The following CCDC92 variants were observed in gnomAD, a reference collection of about 807,000 sequenced individuals.
CCDC92 encodes the protein coiled-coil domain-containing protein 92.
A neutral mutation model predicts 24.9 loss-of-function variants in CCDC92; 12 were observed. That is an observed-to-expected ratio of 0.48 (90% CI 0.31 to 0.78). CCDC92 has a LOEUF of 0.78. Among genes scored for constraint, CCDC92 ranks in the 30% least tolerant of loss-of-function variants. CCDC92 has a pLI of 0.05. For synonymous variants in CCDC92, 193 were observed against 196.3 expected (o/e 0.98, Z 0.14); for missense variants, 399 against 439.4 (o/e 0.91, Z 0.82).
intron 1 of CCDC92, among the ~76,000 whole-genome samples, chr12:123,951,368 T>C (rs558484424): frequency 6.6e-6 from 1 of 152,212 alleles, no homozygotes; most frequent in African/African-American, 2.4e-5. Flanking sequence ...TAGGAAAGGG[T>C]CTCACCATTT....
intron 2 of CCDC92, 96 bp from the exon 3 acceptor site, chr12:123,943,589 A>G: frequency 7.4e-7 from 1 of 1,356,652 alleles, no homozygotes; most frequent in South Asian, 1.2e-5. Flanking sequence ...TGCGCCTCCC[A>G]GGAGAGAGCA....
intron 1 of CCDC92, among the ~76,000 whole-genome samples, chr12:123,960,549 T>C (rs567533771): frequency 2.6e-5 from 4 of 152,304 alleles, no homozygotes; most frequent in East Asian, 1.9e-4. Context: ...TGACATGGCA[T>C]TGAAGCTGAG....
chr12:123,942,671 C>G, intron 4 of CCDC92, 73 bp downstream of exon 4: 1 of 1,110,318 alleles, frequency 9.0e-7, no homozygotes, highest in Non-Finnish European at 1.4e-6. Context: ...AAGTGTGTGA[C>G]TAGTGAAAAC....
chr12:123,941,906 T>C (rs974080784), intron 4 of CCDC92, among the ~76,000 whole-genome samples: 1 of 152,244 alleles, frequency 6.6e-6, no homozygotes, highest in African/African-American at 2.4e-5. Context: ...CATCAGGTTA[T>C]GAAGATTATA....
intron 1 of CCDC92, among the ~76,000 whole-genome samples, chr12:123,964,815 C>T (rs921316624): frequency 5.9e-5 from 9 of 152,172 alleles, no homozygotes; most frequent in Non-Finnish European, 1.2e-4. Flanking sequence ...CACTCTACTT[C>T]CATTAGCTGA....
chr12:123,937,002 G>C lies in CCDC92; in HGVS notation c.*56C>G. On this transcript the variant is annotated 3_prime_UTR_variant, in exon 5 of 5. Transcript: ENST00000238156. The surrounding 1 kb of genome is among the most constrained non-coding windows in gnomAD (Gnocchi z 8.4). ...GATTAAACAGAAAAGGTGTGGCTGA[G>C]ATTTCCCAGTGGTGCTCACAGTGCA... The C allele has an allele frequency of 6.3e-7, 1 of 1,591,010 alleles. No homozygotes were observed. Among genetic ancestry groups the C allele is most frequent in the Non-Finnish European group, 8.6e-7 (1 of 1,165,002 alleles).
intron 1 of CCDC92, among the ~76,000 whole-genome samples, chr12:123,954,769 C>G (rs780894623): frequency 6.6e-6 from 1 of 152,220 alleles, no homozygotes; most frequent in Non-Finnish European, 1.5e-5. Context: ...CCATCTGTGT[C>G]GTGTGGTGCC....
chr12:123,944,833 C>G (rs1955797100), intron 1 of CCDC92: 1 of 151,870 alleles, frequency 6.6e-6, no homozygotes, highest in Non-Finnish European at 1.5e-5. Flanking sequence ...AAAAGAGAAA[C>G]AAGAGGCCCT....
chr12:123,964,048 T>C (rs1956334911), intron 1 of CCDC92, among the ~76,000 whole-genome samples: 1 of 152,166 alleles, frequency 6.6e-6, no homozygotes, highest in African/African-American at 2.4e-5. Flanking sequence ...GAAACCCTGT[T>C]TACAAGAGCC....
rs758959333 is a variant in CCDC92 at position 123,943,439 on chromosome 12, G to A, written c.89C>T (p.Ala30Val). Residue 30 changes from alanine (A) to valine (V), a missense_variant, in exon 3 of 5, where the codon GCA (alanine) becomes GTA (valine). Transcript: ENST00000238156. ...ATNLENQLHSAQKNLLFLQRE... is the reference protein window; with the variant it reads ...ATNLENQLHSVQKNLLFLQRE... ...CTGAAGGAACAGGAGGTTCTTCTGT[G>A]CGCTGTGCAGCTGGTTCTCCAGGTT... is the stretch of plus-strand genomic sequence containing the variant. 63 of 1,614,060 alleles carry A rather than the reference G, an allele frequency of 3.9e-5. 1 individual carries two copies. In the East Asian group the frequency reaches 1.4e-3, roughly 35 times the overall value.
chr12:123,964,688 C>G (rs1381507408), intron 1 of CCDC92, among the ~76,000 whole-genome samples: 1 of 152,186 alleles, frequency 6.6e-6, no homozygotes, highest in African/African-American at 2.4e-5. Context: ...ACCATGATTT[C>G]AGAGTAGGTG....
intron 1 of CCDC92, among the ~76,000 whole-genome samples, chr12:123,951,115 C>G (rs1273145837): frequency 6.6e-6 from 1 of 152,222 alleles, no homozygotes; most frequent in Non-Finnish European, 1.5e-5. Flanking sequence ...GCCTCATTAA[C>G]TTCCATTCTT....
intron 3 of CCDC92, 105 bp downstream of exon 3, chr12:123,943,242 C>A (rs1955742746): frequency 7.8e-7 from 1 of 1,274,452 alleles, no homozygotes; most frequent in East Asian, 2.4e-5. Context: ...ACTCCTGCAA[C>A]GATGATGGGA....
chr12:123,967,550 A>G (rs1019112256), intron 1 of CCDC92, among the ~76,000 whole-genome samples: 4 of 152,178 alleles, frequency 2.6e-5, no homozygotes, highest in South Asian at 2.1e-4. Flanking sequence ...GCCTCCTTCA[A>G]TGTTTAAGGT....
intron 4 of CCDC92, among the ~76,000 whole-genome samples, chr12:123,941,342 C>A (rs975209124): frequency 1.3e-5 from 2 of 152,178 alleles, no homozygotes; most frequent in Non-Finnish European, 2.9e-5. Flanking sequence ...TCCACCACCC[C>A]AAGAAGCCCA....
chr12:123,938,024 C>T (rs575358402), intron 4 of CCDC92, among the ~76,000 whole-genome samples, 194 bp from the exon 5 acceptor site: 1 of 152,256 alleles, frequency 6.6e-6, no homozygotes, highest in East Asian at 1.9e-4. Context: ...ATCTCAGAGG[C>T]CCTTTCCGGC....
intron 1 of CCDC92, among the ~76,000 whole-genome samples, chr12:123,969,318 G>GA (rs1484905029): frequency 6.6e-6 from 1 of 152,084 alleles, no homozygotes; most frequent in Non-Finnish European, 1.5e-5. Flanking sequence ...CAGACATACT[G>GA]AAAAAACATC....
At chr12:123,952,996 T>G (rs1956063572) in intron 1 of CCDC92, among the ~76,000 whole-genome samples, 1 of 152,136 alleles carries the variant, frequency 6.6e-6, no homozygotes, top group Non-Finnish European at 1.5e-5. Flanking sequence ...TTCTACAACA[T>G]GAGAAATAAT....
At chr12:123,942,951 C>T (rs991671098) in intron 3 of CCDC92, among the ~76,000 whole-genome samples, 166 bp from the exon 4 acceptor site, 10 of 152,198 alleles carry the variant, frequency 6.6e-5, no homozygotes, top group South Asian at 2.1e-4. Flanking sequence ...AAAACATCTG[C>T]GGCCACTGTG....
Sources: gnomAD v4.1 joint callset for allele counts (sites outside exome capture counted in the v4.1 genomes callset) on GRCh38, gnomAD v4.1.1 for gene constraint, Gnocchi (gnomAD v3.1) non-coding constraint, MANE v1.5 for transcripts, NCBI Gene and HGNC (gene_info 2026-07-23, HGNC 2026-07-21) for gene names.